The following ROBO1 variants were observed in gnomAD, a reference collection of about 807,000 sequenced individuals.
ROBO1 encodes the protein roundabout homolog 1.
ROBO1 carries 149 observed loss-of-function variants against 195.9 expected under a neutral mutation model. The ratio of observed to expected loss-of-function variants is 0.76; its 90% CI spans 0.67 to 0.87. The LOEUF (loss-of-function observed/expected upper bound fraction) is 0.87, where lower values mean the gene tolerates loss of function less well. ROBO1 is among the 40% of genes least tolerant of loss of function. ROBO1 has a pLI of 0.00. For synonymous variants in ROBO1, 816 were observed against 733.2 expected (o/e 1.11, Z -1.82); for missense variants, 1,933 against 2,068.3 (o/e 0.93, Z 1.27).
intron 3 of ROBO1, among the ~76,000 whole-genome samples, chr3:79,007,074 A>C (rs1421283261): frequency 6.6e-6 from 1 of 152,216 alleles, no homozygotes; most frequent in Non-Finnish European, 1.5e-5. Context: ...ATTGAAAACA[A>C]TAACAACAAA....
At chr3:78,977,296 C>T (rs2076904083) in intron 3 of ROBO1, among the ~76,000 whole-genome samples, 1 of 152,062 alleles carries the variant, frequency 6.6e-6, no homozygotes, top group African/African-American at 2.4e-5. Context: ...TTGCTTTTTA[C>T]TCACACACTT....
intron 1 of ROBO1, among the ~76,000 whole-genome samples, chr3:79,685,695 GT>G (rs1947083740): frequency 6.6e-6 from 1 of 152,080 alleles, no homozygotes; most frequent in East Asian, 1.9e-4. Flanking sequence ...TTGTCTGTTG[GT>G]TTTCAAGGTT....
chr3:79,065,508 A>G (rs1391163289), intron 3 of ROBO1, among the ~76,000 whole-genome samples: 1 of 151,964 alleles, frequency 6.6e-6, no homozygotes, highest in Non-Finnish European at 1.5e-5. Context: ...AGGGCACAAA[A>G]TGTACAAGAT....
intron 2 of ROBO1, among the ~76,000 whole-genome samples, chr3:79,368,565 G>T (rs1055553447): frequency 6.6e-6 from 1 of 151,880 alleles, no homozygotes; most frequent in Non-Finnish European, 1.5e-5. Flanking sequence ...CTAAAATTCT[G>T]CCAGGTGTGA....
chr3:79,271,664 A>G (rs2030570232), intron 2 of ROBO1, among the ~76,000 whole-genome samples: 1 of 151,922 alleles, frequency 6.6e-6, no homozygotes, highest in African/African-American at 2.4e-5. Flanking sequence ...CTTCCTCCTC[A>G]GTGAGATAAT....
intron 2 of ROBO1, among the ~76,000 whole-genome samples, chr3:79,208,623 T>G (rs2081913507): frequency 6.6e-6 from 1 of 151,824 alleles, no homozygotes; most frequent in South Asian, 2.1e-4. Flanking sequence ...AAAGCAAAAG[T>G]GAACATGTAA....
intron 2 of ROBO1, among the ~76,000 whole-genome samples, chr3:79,145,418 A>G (rs1276768291): frequency 6.6e-6 from 1 of 151,282 alleles, no homozygotes; most frequent in African/African-American, 2.4e-5. Flanking sequence ...CATAAATAAC[A>G]GTCATCCTAT....
chr3:79,313,403 G>A (rs2033583359), intron 2 of ROBO1, among the ~76,000 whole-genome samples: 2 of 152,088 alleles, frequency 1.3e-5, no homozygotes, highest in Admixed American at 6.5e-5. Flanking sequence ...GAATCCCTTT[G>A]CACGATTAAG....
chr3:79,033,355 T>C (rs1255395493), intron 3 of ROBO1, among the ~76,000 whole-genome samples: 1 of 152,144 alleles, frequency 6.6e-6, no homozygotes, highest in African/African-American at 2.4e-5. Flanking sequence ...TTACATAAAA[T>C]TTAAAGAGTT....
In ROBO1 at chr3:79,052,874, A is replaced by G. The variant is rs557596034; in HGVS notation, c.172+72582T>C. Among the ~76,000 whole-genome samples, 62 of 152,172 alleles carry G rather than the reference A, an allele frequency of 4.1e-4. No homozygotes were observed. The Middle Eastern group carries it at 0.01, about 25-fold the overall frequency. On this transcript the variant is annotated intron_variant, in intron 3 of 30. Coordinates refer to ENST00000464233, the MANE Select transcript of ROBO1 (RefSeq NM_002941.4). ...TTCAACTCCCTGACAACTGATGAGT[A>G]GTCTGTGTATGGTCCGGGTTAACTA... is the stretch of plus-strand genomic sequence containing the variant.
intron 3 of ROBO1, among the ~76,000 whole-genome samples, chr3:78,958,471 C>G (rs894726188): frequency 2.0e-5 from 3 of 152,080 alleles, no homozygotes; most frequent in Non-Finnish European, 2.9e-5. Context: ...ACAAATAATT[C>G]CAAATTTTGA....
chr3:79,337,228 G>A (rs2034712700), intron 2 of ROBO1, among the ~76,000 whole-genome samples: 1 of 152,186 alleles, frequency 6.6e-6, no homozygotes, highest in Admixed American at 6.5e-5. Context: ...TATTTTGAAA[G>A]GTGAGGACAT....
intron 4 of ROBO1, among the ~76,000 whole-genome samples, chr3:78,783,062 T>C (rs1271503131): frequency 6.6e-6 from 1 of 152,222 alleles, no homozygotes. Flanking sequence ...GTTTATTTAT[T>C]TATTTCCCTT....
intron 1 of ROBO1, among the ~76,000 whole-genome samples, chr3:79,601,574 G>C (rs6775339): frequency 0.063 from 9,622 of 151,912 alleles, 900 homozygotes; most frequent in African/African-American, 0.21. Flanking sequence ...ACAGTAGTAC[G>C]AACACAGACA....
intron 1 of ROBO1, among the ~76,000 whole-genome samples, chr3:79,749,927 T>C (rs1040122399): frequency 6.6e-6 from 1 of 152,144 alleles, no homozygotes; most frequent in African/African-American, 2.4e-5. Flanking sequence ...AGTGGAACTC[T>C]GAGAAGAGGG....
chr3:78,692,842 C>T (rs2081205219), intron 8 of ROBO1: 1 of 152,132 alleles, frequency 6.6e-6, no homozygotes, highest in African/African-American at 2.4e-5. Flanking sequence ...GAATCTGACA[C>T]ACAGAAATGA....
chr3:79,639,495 A>T (rs1047544891), intron 1 of ROBO1, among the ~76,000 whole-genome samples: 1 of 152,160 alleles, frequency 6.6e-6, no homozygotes, highest in Non-Finnish European at 1.5e-5. Context: ...GTTGGAAAAA[A>T]ACTCATAAGC....
chr3:79,342,548 G>A (rs534940379), intron 2 of ROBO1, among the ~76,000 whole-genome samples: 1 of 152,020 alleles, frequency 6.6e-6, no homozygotes, highest in Non-Finnish European at 1.5e-5. Context: ...GTGATGACTG[G>A]GAATGAGCAT....
Position 78,869,920 on chromosome 3 carries a change from C to T in ROBO1, c.499+68681G>A, listed in dbSNP as rs74812312. Among the ~76,000 whole-genome samples the T allele has an allele frequency of 7.2e-5, 11 of 152,244 alleles. No homozygotes were observed. In the East Asian group the frequency reaches 1.7e-3, roughly 24 times the overall value. ...CACTAGAAATTATTGGTGATTGTTA[C>T]AATTAAGATTAACTTTCACCTCAAA... On this transcript the variant is annotated intron_variant, in intron 4 of 30. Coordinates refer to ENST00000464233, the MANE Select transcript of ROBO1 (RefSeq NM_002941.4).
Sources: gnomAD v4.1 joint callset for allele counts (sites outside exome capture counted in the v4.1 genomes callset) on GRCh38, gnomAD v4.1.1 for gene constraint, MANE v1.5 for transcripts, NCBI Gene and HGNC (gene_info 2026-07-23, HGNC 2026-07-21) for gene names.